MLXIP: variants seen among roughly 807,000 people sequenced by gnomAD.
MLXIP encodes MLX interacting protein.
A neutral mutation model predicts 87.2 loss-of-function variants in MLXIP; 30 were observed. The observed-to-expected ratio is 0.34, with a 90% confidence interval of 0.26 to 0.47. The LOEUF is 0.47. Ranked by LOEUF, MLXIP falls within the 20% of genes least tolerant of loss-of-function variation. The probability of loss-of-function intolerance (pLI) is 1.00; values close to 1 mark genes in which losing one functional copy is unlikely to be tolerated. For missense variants in MLXIP, 1,002 were observed against 1,240.1 expected (o/e 0.81, Z 2.88); for synonymous variants, 530 against 514.0 (o/e 1.03, Z -0.42).
chr12:122,137,660 CT>C lies in MLXIP; in HGVS notation c.2154+72del, dbSNP rs11307581. On this transcript the variant is annotated intron_variant, in intron 12 of 16. Coordinates refer to ENST00000319080, the MANE Select transcript of MLXIP (RefSeq NM_014938.6). This position sits in a 1 kb window ranked among gnomAD's most constrained non-coding sequence, Gnocchi z 4.1. The stretch of plus-strand genomic sequence containing the variant: ...AGTGCAGGACATCAAGGATCTGTGT[CT>C]TGTCTGGAACGGAGACCTCAGACCC... 0.52 allele frequency: 820,193 copies of C among 1,583,310 alleles called. 214,411 individuals are homozygous for C. The highest frequency in any genetic ancestry group is 0.59 in the Admixed American group (34,069 of 57,658).
intron 1 of MLXIP, among the ~76,000 whole-genome samples, chr12:122,094,185 T>C (rs1373648878): frequency 2.0e-5 from 2 of 101,614 alleles, no homozygotes; most frequent in East Asian, 6.2e-4. Flanking sequence ...GGTGTTGGTG[T>C]GTGTTGTGTG....
chr12:122,097,287 T>C (rs2135919843), intron 1 of MLXIP, among the ~76,000 whole-genome samples: 1 of 152,208 alleles, frequency 6.6e-6, no homozygotes, highest in Non-Finnish European at 1.5e-5. Flanking sequence ...CACCCTGGCC[T>C]CACTACAGGT....
At chr12:122,083,729 A>T (rs1337480278) in intron 1 of MLXIP, among the ~76,000 whole-genome samples, 1 of 152,196 alleles carries the variant, frequency 6.6e-6, no homozygotes, top group Non-Finnish European at 1.5e-5. Context: ...TTCATTCTTG[A>T]TCAAAGCGGG....
chr12:122,101,584 C>CT (rs371090324), intron 1 of MLXIP, among the ~76,000 whole-genome samples: 81,564 of 118,990 alleles, frequency 0.69, 28,170 homozygotes, highest in Middle Eastern at 0.75. Context: ...CTTTTTTTTT[C>CT]TTTTTTTTTT....
At chr12:122,083,279 A>C (rs951232020) in intron 1 of MLXIP, among the ~76,000 whole-genome samples, 2 of 152,134 alleles carry the variant, frequency 1.3e-5, no homozygotes, top group Non-Finnish European at 2.9e-5. Context: ...TTTAGAGATA[A>C]GCAGTTTCTG....
intron 1 of MLXIP, among the ~76,000 whole-genome samples, chr12:122,111,966 A>C (rs989953710): frequency 3.9e-5 from 6 of 152,298 alleles, no homozygotes; most frequent in African/African-American, 1.4e-4. Context: ...TTTTTCTTTT[A>C]GAATAGTTTT....
chr12:122,109,227 C>A (rs771782078), intron 1 of MLXIP, among the ~76,000 whole-genome samples: 8 of 152,162 alleles, frequency 5.3e-5, no homozygotes, highest in Non-Finnish European at 1.0e-4. Flanking sequence ...AGCCACCACG[C>A]CCAGCTAATT....
chr12:122,088,707 G>A (rs1220093096), intron 1 of MLXIP, among the ~76,000 whole-genome samples: 5 of 152,074 alleles, frequency 3.3e-5, no homozygotes, highest in Non-Finnish European at 5.9e-5. Context: ...TTGAAAGCTG[G>A]TTACTATTCC....
Position 122,135,175 on chromosome 12 carries a change from A to G in MLXIP, c.1733-49A>G, listed in dbSNP as rs377364816. ...AGAGGCAGCCTCTGCAGGGTGGGCC[A>G]GGCCCTGTGGCCCAGGGCTGCACCT... On this transcript the variant is annotated intron_variant, in intron 9 of 16. Transcript: ENST00000319080. The surrounding 1 kb of genome is among the most constrained non-coding windows in gnomAD (Gnocchi z 5.3). The G allele has an allele frequency of 6.2e-7, 1 of 1,602,598 alleles. No individual in the cohort carries two copies. Among genetic ancestry groups the G allele is most frequent in the Admixed American group, 1.7e-5 (1 of 58,496 alleles).
chr12:122,113,513 C>T (rs28585613), intron 1 of MLXIP, among the ~76,000 whole-genome samples: 65,572 of 151,730 alleles, frequency 0.43, 14,498 homozygotes, highest in Middle Eastern at 0.62. Context: ...AGCGATCCAC[C>T]CACCTCAGCC....
chr12:122,082,807 T>C (rs1351805479), intron 1 of MLXIP, among the ~76,000 whole-genome samples: 2 of 152,180 alleles, frequency 1.3e-5, no homozygotes, highest in African/African-American at 4.8e-5. Flanking sequence ...ATGTCACACA[T>C]GTATATCCTT....
At chr12:122,079,331 AG>A in intron 1 of MLXIP, 65 bp downstream of exon 1, 2 of 1,433,878 alleles carry the variant, frequency 1.4e-6, no homozygotes, top group Non-Finnish European at 1.9e-6. Flanking sequence ...ACAAGCGTGG[AG>A]GGAAGGGCCG....
intron 1 of MLXIP, among the ~76,000 whole-genome samples, chr12:122,081,110 A>C (rs184273103): frequency 6.6e-6 from 1 of 152,246 alleles, no homozygotes; most frequent in Non-Finnish European, 1.5e-5. Flanking sequence ...TCTCTCAAAA[A>C]TATTTTGGCA....
Position 122,144,581 on chromosome 12 carries a change from G to A in MLXIP, c.*2769G>A, listed in dbSNP as rs935878706. The A allele has an allele frequency of 1.3e-5, 2 of 151,516 alleles. No homozygotes were observed. Among genetic ancestry groups the A allele is most frequent in the Non-Finnish European group, 2.9e-5 (2 of 67,936 alleles). The allele number at this position is 151,516 out of a possible 1,614,324, so 9.4% of individuals were successfully genotyped here. A position where few individuals can be genotyped will look rare whatever the true frequency, so the allele number is the denominator to read the frequency against. On this transcript the variant is annotated 3_prime_UTR_variant, in exon 17 of 17. Transcript: ENST00000319080. ...AGCCTGGATGACAGAGTGAAACCCTGCCTCTAAATAAAAGAAAATAGAGGC... is the reference window on the plus strand; with the variant it reads ...AGCCTGGATGACAGAGTGAAACCCTACCTCTAAATAAAAGAAAATAGAGGC...
chr12:122,133,219 C>G lies in MLXIP; in HGVS notation c.1093-129C>G. On this transcript the variant is annotated intron_variant, in intron 8 of 16. Coordinates refer to ENST00000319080, the MANE Select transcript of MLXIP (RefSeq NM_014938.6). This position sits in a 1 kb window ranked among gnomAD's most constrained non-coding sequence, Gnocchi z 4.9. ...TCCCTATCAGATCAGCAGCCATGGA[C>G]GTGGAGACGTGGCCTTTGTCCCTCT... 1 of 1,000,866 alleles carries G rather than the reference C, an allele frequency of 1.0e-6. No individual in the cohort carries two copies. Among genetic ancestry groups the G allele is most frequent in the South Asian group, 1.8e-5 (1 of 56,980 alleles). The allele number at this position is 1,000,866 out of a possible 1,614,324, so 62.0% of individuals were successfully genotyped here.
intron 1 of MLXIP, among the ~76,000 whole-genome samples, chr12:122,081,904 C>G (rs1042696640): frequency 1.3e-5 from 2 of 152,236 alleles, no homozygotes; most frequent in African/African-American, 4.8e-5. Context: ...TTCTAGCTGT[C>G]TAACTCTCCG....
In MLXIP at chr12:122,143,791, A is replaced by G. The variant is rs1421364280; in HGVS notation, c.*1979A>G. 1 of 152,218 alleles carries G rather than the reference A, an allele frequency of 6.6e-6. No homozygotes were observed. Among genetic ancestry groups the G allele is most frequent in the Non-Finnish European group, 1.5e-5 (1 of 68,044 alleles). The allele number at this position is 152,218 out of a possible 1,614,324, so 9.4% of individuals were successfully genotyped here. On this transcript the variant is annotated 3_prime_UTR_variant, in exon 17 of 17. Coordinates refer to ENST00000319080, the MANE Select transcript of MLXIP (RefSeq NM_014938.6). ...TCATTTTTAAAAAAATCTGTGGGAT[A>G]TAAAATTGGCCTCCTGCTGCTTCAG...
chr12:122,093,620 GGT>G (rs1157052555), intron 1 of MLXIP, among the ~76,000 whole-genome samples: 6 of 128,308 alleles, frequency 4.7e-5, no homozygotes, highest in African/African-American at 1.5e-4. Flanking sequence ...GTGTGTGTGT[GGT>G]GTGTGTGTTG....
At chr12:122,090,508 AC>A (rs1386234304) in intron 1 of MLXIP, among the ~76,000 whole-genome samples, 2 of 147,972 alleles carry the variant, frequency 1.4e-5, no homozygotes, top group African/African-American at 2.5e-5. Flanking sequence ...AAAAAAAAAA[AC>A]AAAACAAAAC....
Sources: gnomAD v4.1 joint callset for allele counts (sites outside exome capture counted in the v4.1 genomes callset) on GRCh38, gnomAD v4.1.1 for gene constraint, Gnocchi (gnomAD v3.1) non-coding constraint, MANE v1.5 for transcripts, NCBI Gene and HGNC (gene_info 2026-07-23, HGNC 2026-07-21) for gene names.